EPB41L5: variants seen among roughly 807,000 people sequenced by gnomAD.
EPB41L5 encodes band 4.1-like protein 5.
A neutral mutation model predicts 106.6 loss-of-function variants in EPB41L5; 55 were observed. The ratio of observed to expected loss-of-function variants is 0.52; its 90% confidence interval spans 0.42 to 0.65. EPB41L5 has a LOEUF of 0.65. Among genes scored for constraint, EPB41L5 ranks in the 30% least tolerant of loss-of-function variants. EPB41L5 has a pLI of 0.00. For missense variants in EPB41L5, 871 were observed against 882.1 expected, an observed-to-expected ratio of 0.99 and a Z score of 0.16; for synonymous variants, 297 against 306.7, an observed-to-expected ratio of 0.97 and a Z score of 0.33.
intron 19 of EPB41L5, among the ~76,000 whole-genome samples, chr2:120,144,213 C>T (rs1686302980): frequency 6.6e-6 from 1 of 152,260 alleles, no homozygotes; most frequent in African/African-American, 2.4e-5. Context: ...AGGATTAGTG[C>T]TCTTATAAAA....
At chr2:120,160,429 ATTT>A (rs1414503935) in intron 20 of EPB41L5, 1 of 153,270 alleles carries the variant, frequency 6.5e-6, no homozygotes, top group Non-Finnish European at 1.5e-5. Flanking sequence ...TCAGTTCCAT[ATTT>A]TGACTGTAGT....
intron 16 of EPB41L5, among the ~76,000 whole-genome samples, chr2:120,124,817 C>T (rs553334925): frequency 8.8e-4 from 134 of 152,202 alleles, no homozygotes; most frequent in African/African-American, 3.2e-3. Flanking sequence ...AAGGAGTCTA[C>T]ACCAGTTCTT....
chr2:120,035,309 G>C (rs1678977483), intron 2 of EPB41L5, among the ~76,000 whole-genome samples: 1 of 151,934 alleles, frequency 6.6e-6, no homozygotes, highest in African/African-American at 2.4e-5. Context: ...TGTTATCCAG[G>C]CCAGTCTCGG....
At chr2:120,125,121 AGAT>A (rs778396382) in intron 16 of EPB41L5, among the ~76,000 whole-genome samples, 44 of 152,240 alleles carry the variant, frequency 2.9e-4, no homozygotes, top group Admixed American at 2.6e-4. Context: ...TATAGAGAGA[AGAT>A]GGTTTTCTTA....
intron 18 of EPB41L5, among the ~76,000 whole-genome samples, chr2:120,137,726 A>G (rs959800527): frequency 6.6e-6 from 1 of 152,124 alleles, no homozygotes; most frequent in Non-Finnish European, 1.5e-5. Flanking sequence ...CTCCCAGCAA[A>G]GAAAAGCCCA....
intron 10 of EPB41L5, among the ~76,000 whole-genome samples, chr2:120,085,285 T>A (rs1574629319): frequency 6.6e-6 from 1 of 152,356 alleles, no homozygotes; most frequent in East Asian, 1.9e-4. Context: ...GATGGTGATG[T>A]ACGGATGGGG....
chr2:120,089,218 A>G (rs767541948), intron 11 of EPB41L5, among the ~76,000 whole-genome samples: 2 of 152,134 alleles, frequency 1.3e-5, no homozygotes, highest in African/African-American at 2.4e-5. Flanking sequence ...CCATCTTATT[A>G]ATGATCTAGA....
At chr2:120,076,248 A>G (rs1456020164) in intron 7 of EPB41L5, among the ~76,000 whole-genome samples, 5 of 152,014 alleles carry the variant, frequency 3.3e-5, no homozygotes, top group Admixed American at 6.6e-5. Flanking sequence ...AAAATTTTGG[A>G]AGACAGGGAC....
chr2:120,120,814 C>G (rs1685183955), intron 16 of EPB41L5, among the ~76,000 whole-genome samples: 1 of 152,096 alleles, frequency 6.6e-6, no homozygotes. Flanking sequence ...CTTATTGCTT[C>G]TTCAATTAAA....
chr2:120,072,004 G>A (rs565269292), intron 3 of EPB41L5, among the ~76,000 whole-genome samples: 2 of 152,082 alleles, frequency 1.3e-5, no homozygotes, highest in East Asian at 1.9e-4. Flanking sequence ...TGTACAAAAT[G>A]TACAATGTAC....
intron 2 of EPB41L5, among the ~76,000 whole-genome samples, chr2:120,028,149 C>T (rs1178609183): frequency 1.3e-5 from 2 of 152,090 alleles, no homozygotes; most frequent in Non-Finnish European, 2.9e-5. Context: ...CAGGCGTGAG[C>T]CACCGCGCCC....
intron 3 of EPB41L5, among the ~76,000 whole-genome samples, chr2:120,060,483 T>TA (rs1393107397): frequency 6.6e-6 from 1 of 152,156 alleles, no homozygotes; most frequent in East Asian, 1.9e-4. Context: ...CAGAGGGCAT[T>TA]ATGCTGAATA....
chr2:120,111,723 C>T (rs541525530), intron 16 of EPB41L5, among the ~76,000 whole-genome samples: 1 of 152,204 alleles, frequency 6.6e-6, no homozygotes, highest in East Asian at 1.9e-4. Flanking sequence ...TGCCCTTGCT[C>T]CTCTACTGTC....
In EPB41L5 at chr2:120,123,646, CTTTTTT is replaced by C. The variant is rs869296989; in HGVS notation, c.1338-4019_1338-4014del. On this transcript the variant is annotated intron_variant, in intron 16 of 24. Coordinates refer to ENST00000263713, the MANE Select transcript of EPB41L5 (RefSeq NM_020909.4). ...GAATGGGGATGGGGAGTGTTCGTCCCTTTTTTTTTTTTTTTTTTTTTTTTTTTTGAT... is the reference window on the plus strand; with the variant it reads ...GAATGGGGATGGGGAGTGTTCGTCCCTTTTTTTTTTTTTTTTTTTTTTGAT... Among the ~76,000 whole-genome samples, 411 of 68,306 alleles carry C rather than the reference CTTTTTT, an allele frequency of 6.0e-3. 2 individuals are homozygous for C. Among genetic ancestry groups the C allele is most frequent in the African/African-American group, 0.021 (392 of 18,516 alleles). The allele number at this position is 68,306 out of a possible 152,430, so 44.8% of individuals were successfully genotyped here.
At chr2:120,047,431 C>A (rs75659512) in intron 3 of EPB41L5, among the ~76,000 whole-genome samples, 1 of 151,270 alleles carries the variant, frequency 6.6e-6, no homozygotes, top group Non-Finnish European at 1.5e-5. Context: ...CAATTGTGAA[C>A]GGGAGTTCAC....
rs59275482 is a variant in EPB41L5, at chr2:120,080,557, G to A, written c.803+1976G>A. Among the ~76,000 whole-genome samples the A allele has an allele frequency of 9.0e-3, 1,369 of 152,190 alleles. 24 individuals carry two copies. The highest frequency in any genetic ancestry group is 0.041 in the South Asian group (197 of 4,826). Reference sequence around the variant, plus strand: ...AGTCTTTGCTATTGTGAATAGTGCCGCAGTAAACATACGTGTGCATGTGTC... The same window carrying A: ...AGTCTTTGCTATTGTGAATAGTGCCACAGTAAACATACGTGTGCATGTGTC... On this transcript the variant is annotated intron_variant, in intron 10 of 24. Coordinates refer to ENST00000263713, the MANE Select transcript of EPB41L5 (RefSeq NM_020909.4).
intron 10 of EPB41L5, among the ~76,000 whole-genome samples, chr2:120,079,191 C>G (rs1317741589): frequency 2.6e-5 from 4 of 152,140 alleles, no homozygotes; most frequent in Non-Finnish European, 5.9e-5. Flanking sequence ...CTTTTGTACA[C>G]TAGACAGGGA....
At position 120,077,043 on chromosome 2, in the gene EPB41L5, A is replaced by C; in HGVS notation, c.578A>C (p.Gln193Pro). The part of the protein sequence containing the change: ...LVSEFRFVPI[Q>P]TEEMELAIFE... ...TCAGAGTTCAGATTCGTGCCTATTC[A>C]GACTGAAGAGATGGAACTGGCTATT... Residue 193 changes from glutamine (Q) to proline (P), a missense_variant, in exon 8 of 25, where the codon CAG (glutamine) becomes CCG (proline). Coordinates refer to ENST00000263713, the MANE Select transcript of EPB41L5 (RefSeq NM_020909.4). The C allele has an allele frequency of 6.2e-7, 1 of 1,613,276 alleles. No individual in the cohort carries two copies. Among genetic ancestry groups the C allele is most frequent in the Non-Finnish European group, 8.5e-7 (1 of 1,179,468 alleles).
chr2:120,124,840 T>C (rs1405182277), intron 16 of EPB41L5, among the ~76,000 whole-genome samples: 2 of 152,222 alleles, frequency 1.3e-5, no homozygotes, highest in Non-Finnish European at 2.9e-5. Flanking sequence ...GTAGAATGTC[T>C]CTCAACTTAG....
Sources: gnomAD v4.1 joint callset for allele counts (sites outside exome capture counted in the v4.1 genomes callset) on GRCh38, gnomAD v4.1.1 for gene constraint, MANE v1.5 for transcripts, NCBI Gene and HGNC (gene_info 2026-07-23, HGNC 2026-07-21) for gene names.